The following PRDM16 variants were observed in gnomAD, a reference collection of about 807,000 sequenced individuals.
PRDM16 encodes histone-lysine N-methyltransferase PRDM16.
In PRDM16, 23 loss-of-function variants were observed where a neutral mutation model predicts 110.6. The ratio of observed to expected loss-of-function variants is 0.21; its 90% CI spans 0.15 to 0.29. PRDM16 has a LOEUF of 0.29. Among genes scored for constraint, PRDM16 ranks in the 10% least tolerant of loss-of-function variants. The pLI is 1.00. For missense variants in PRDM16, 1,615 were observed against 1,794.3 expected (o/e 0.90, Z 1.81); for synonymous variants, 799 against 781.8 (o/e 1.02, Z -0.37).
At chr1:3,354,976 G>A (rs933396411) in intron 3 of PRDM16, among the ~76,000 whole-genome samples, 2 of 152,128 alleles carry the variant, frequency 1.3e-5, no homozygotes, top group African/African-American at 2.4e-5. Context: ...TGGGGGAGGC[G>A]GAAATCTGAC....
At chr1:3,158,733 C>T (rs1223212868) in intron 1 of PRDM16, among the ~76,000 whole-genome samples, 1 of 145,826 alleles carries the variant, frequency 6.9e-6, no homozygotes, top group Non-Finnish European at 1.5e-5. Context: ...TCTTTCTTCC[C>T]TTTCTTCCCT....
intron 3 of PRDM16, among the ~76,000 whole-genome samples, chr1:3,326,074 GACCATCCTTGGCCCCCC>G (rs1641895268): frequency 4.8e-5 from 3 of 62,166 alleles, no homozygotes; most frequent in Non-Finnish European, 9.2e-5. Flanking sequence ...GGCCATCCTC[GACCATCCTTGGCCCCCC>G]TTGGCCATCC....
intron 1 of PRDM16, 114 bp from the exon 2 acceptor site, chr1:3,186,010 TG>T: frequency 1.2e-6 from 1 of 867,520 alleles, no homozygotes; most frequent in Non-Finnish European, 1.9e-6. Flanking sequence ...CCGGGCCTTC[TG>T]GGCCCCTGAG....
rs1427634338 is a variant in PRDM16 at position 3,143,960 on chromosome 1, CA to C, written c.38-42164del. ...AAGGCTCCACAAGCACTTTTGAGGC[CA>C]GGGGGAAGATGCTAAGGGGTCCTCT... On this transcript the variant is annotated intron_variant, in intron 1 of 16. Coordinates refer to ENST00000270722, the MANE Select transcript of PRDM16 (RefSeq NM_022114.4). This position sits in a 1 kb window ranked among gnomAD's most constrained non-coding sequence, Gnocchi z 4.5. Among the ~76,000 whole-genome samples, 5 of 152,302 alleles carry C rather than the reference CA, an allele frequency of 3.3e-5. No homozygotes were observed. Among genetic ancestry groups the C allele is most frequent in the South Asian group, 2.1e-4 (1 of 4,824 alleles).
chr1:3,407,383 A>G (rs1480954161), intron 8 of PRDM16, among the ~76,000 whole-genome samples: 1 of 152,204 alleles, frequency 6.6e-6, no homozygotes, highest in Non-Finnish European at 1.5e-5. Context: ...TTCCACAAGT[A>G]CTGTTTTCCC....
intron 2 of PRDM16, among the ~76,000 whole-genome samples, chr1:3,222,813 T>C: frequency 6.6e-6 from 1 of 152,222 alleles, no homozygotes; most frequent in East Asian, 1.9e-4. Context: ...CATCTGTGAT[T>C]CCTGGGCTTG....
chr1:3,188,430 G>C (rs1174024550), intron 2 of PRDM16, among the ~76,000 whole-genome samples: 2 of 152,184 alleles, frequency 1.3e-5, no homozygotes, highest in African/African-American at 4.8e-5. Flanking sequence ...GCCCAGCGCA[G>C]ACTGCGCCAC....
intron 2 of PRDM16, among the ~76,000 whole-genome samples, chr1:3,215,407 C>T (rs28524473): frequency 5.3e-4 from 75 of 142,744 alleles, no homozygotes; most frequent in African/African-American, 1.9e-3. Context: ...TCATGGGTCC[C>T]GGGGACAGGC....
intron 1 of PRDM16, among the ~76,000 whole-genome samples, chr1:3,183,244 C>A (rs1490007480): frequency 6.6e-6 from 1 of 152,194 alleles, no homozygotes; most frequent in Non-Finnish European, 1.5e-5. Context: ...GAGGGTCGGG[C>A]AGCCTCCTGA....
At chr1:3,149,400 G>A (rs1643736143) in intron 1 of PRDM16, among the ~76,000 whole-genome samples, 1 of 152,070 alleles carries the variant, frequency 6.6e-6, no homozygotes, top group Non-Finnish European at 1.5e-5. Context: ...CCCGGGTGGG[G>A]GCAGACAGCC....
chr1:3,337,655 C>A (rs1557619096), intron 3 of PRDM16, among the ~76,000 whole-genome samples: 1 of 152,218 alleles, frequency 6.6e-6, no homozygotes, highest in Non-Finnish European at 1.5e-5. Context: ...CGGGCACACA[C>A]CATGCAACCA....
intron 1 of PRDM16, among the ~76,000 whole-genome samples, chr1:3,085,597 T>C (rs1407804296): frequency 1.3e-5 from 2 of 152,230 alleles, no homozygotes; most frequent in African/African-American, 4.8e-5. Flanking sequence ...AGTGTGCCCA[T>C]CTGCTGAGTG....
At chr1:3,139,324 T>C (rs1254999140) in intron 1 of PRDM16, among the ~76,000 whole-genome samples, 1 of 152,202 alleles carries the variant, frequency 6.6e-6, no homozygotes, top group African/African-American at 2.4e-5. Context: ...ATGAGACCCA[T>C]GGAAAGAGCA....
At chr1:3,232,057 G>A (rs1024202385) in intron 2 of PRDM16, among the ~76,000 whole-genome samples, 4 of 152,234 alleles carry the variant, frequency 2.6e-5, no homozygotes, top group African/African-American at 7.2e-5. Context: ...CTTCACGCAC[G>A]GTGGTCTCGA....
At chr1:3,230,342 G>A (rs541227284) in intron 2 of PRDM16, among the ~76,000 whole-genome samples, 11 of 152,314 alleles carry the variant, frequency 7.2e-5, no homozygotes, top group Admixed American at 1.3e-4. Flanking sequence ...CTCCTGGGAC[G>A]AGTCCTTGGG....
intron 1 of PRDM16, among the ~76,000 whole-genome samples, chr1:3,146,528 T>G (rs1038487410): frequency 6.3e-5 from 9 of 142,622 alleles, no homozygotes; most frequent in South Asian, 2.2e-4. Flanking sequence ...CGGTGTGGGG[T>G]GTGTGTGCAC....
intron 4 of PRDM16, among the ~76,000 whole-genome samples, chr1:3,389,710 C>A (rs148782244): frequency 1.1e-3 from 164 of 152,354 alleles, no homozygotes; most frequent in African/African-American, 3.9e-3. Context: ...CCAAGGGTCC[C>A]GCTGCTCCTG....
intron 2 of PRDM16, chr1:3,207,248 T>C (rs1158060681): frequency 1.3e-5 from 2 of 152,220 alleles, no homozygotes; most frequent in Non-Finnish European, 2.9e-5. Context: ...CCCGAGGTCA[T>C]TTGGTTAATT....
chr1:3,268,057 G>A (rs1295713605), intron 3 of PRDM16, among the ~76,000 whole-genome samples: 1 of 152,138 alleles, frequency 6.6e-6, no homozygotes, highest in Non-Finnish European at 1.5e-5. Flanking sequence ...ACGGCTCCCC[G>A]GCCCTCAAAC....
Sources: gnomAD v4.1 joint callset for allele counts (sites outside exome capture counted in the v4.1 genomes callset) on GRCh38, gnomAD v4.1.1 for gene constraint, Gnocchi (gnomAD v3.1) non-coding constraint, MANE v1.5 for transcripts, NCBI Gene and HGNC (gene_info 2026-07-23, HGNC 2026-07-21) for gene names.